Variants in ODF2L observed in about 807,000 individuals in gnomAD.
ODF2L encodes the protein protein BCAP.
ODF2L carries 76 observed loss-of-function variants against 86.3 expected under a neutral mutation model. The ratio of observed to expected loss-of-function variants is 0.88; its 90% CI spans 0.73 to 1.07. The LOEUF is 1.07. Ranked by LOEUF, ODF2L falls within the 50% of genes least tolerant of loss-of-function variation. ODF2L has a pLI of 0.00. For synonymous variants in ODF2L, 241 were observed against 231.3 expected (o/e 1.04, Z -0.38); for missense variants, 748 against 717.4 (o/e 1.04, Z -0.49).
downstream of ODF2L, chr1:86,347,390 T>C (rs1339453829): frequency 6.6e-6 from 1 of 152,188 alleles, no homozygotes; most frequent in Non-Finnish European, 1.5e-5. Context: ...AAGGCTCCCT[T>C]TGCATTAGGA....
rs561792715 is a variant in ODF2L at position 86,382,987 on chromosome 1, C to T, written c.451G>A (p.Val151Ile). 6.5e-6 allele frequency: 10 copies of T among 1,544,406 alleles called. No homozygotes were observed. In the Admixed American group the frequency reaches 1.5e-4, roughly 23 times the overall value. ...TGGATATGGGCCTCCTTTTCAAATACCTTCTTCTTAAGATTCTTGAGCAAA... is the reference window on the plus strand; with the variant it reads ...TGGATATGGGCCTCCTTTTCAAATATCTTCTTCTTAAGATTCTTGAGCAAA... The change falls in exon 6 of 18, where the codon GTA becomes ATA. Residue 151 changes from valine (V) to isoleucine (I), a missense_variant. Val to Ile is a conservative substitution (Grantham distance 29, BLOSUM62 3). Transcript: ENST00000317336.
intron 11 of ODF2L, among the ~76,000 whole-genome samples, chr1:86,362,968 T>A (rs953606392): frequency 1.3e-5 from 2 of 152,150 alleles, no homozygotes; most frequent in African/African-American, 4.8e-5. Flanking sequence ...ACTACATTTT[T>A]ATAGAAACAA....
At chr1:86,385,773 T>G in intron 2 of ODF2L, 183 bp from the exon 3 acceptor site, 1 of 445,078 alleles carries the variant, frequency 2.2e-6, no homozygotes, top group Non-Finnish European at 4.0e-6. Context: ...TACTTATATT[T>G]TACTTGTACG....
chr1:86,348,694 TC>T, downstream of ODF2L: 1 of 1,298,502 alleles, frequency 7.7e-7, no homozygotes, highest in South Asian at 2.0e-5. Flanking sequence ...TTTTACCCAA[TC>T]ACATTTTAGA....
intron 1 of ODF2L, among the ~76,000 whole-genome samples, chr1:86,390,223 C>T (rs545559463): frequency 1.3e-5 from 2 of 152,140 alleles, no homozygotes; most frequent in Non-Finnish European, 2.9e-5. Context: ...GAGTTCAAGA[C>T]CAGCCTGGCC....
At chr1:86,354,824 A>G in exon 15 of ODF2L, 1 of 1,607,506 alleles carries the variant, frequency 6.2e-7, no homozygotes, top group Non-Finnish European at 8.5e-7. Flanking sequence ...CCTCTTCCAG[A>G]GAAAGCTTTG....
exon 7 of ODF2L, chr1:86,382,275 T>C: frequency 2.5e-6 from 4 of 1,612,096 alleles, no homozygotes; most frequent in Non-Finnish European, 3.4e-6. Context: ...CGTTCTCGGC[T>C]TCCCTTTTAT....
intron 11 of ODF2L, among the ~76,000 whole-genome samples, chr1:86,364,605 G>C (rs896871881): frequency 6.6e-6 from 1 of 152,150 alleles, no homozygotes; most frequent in Non-Finnish European, 1.5e-5. Flanking sequence ...GTAAGTAAAA[G>C]AATCAAGTCA....
intron 13 of ODF2L, among the ~76,000 whole-genome samples, chr1:86,357,346 C>A (rs575285009): frequency 6.6e-6 from 1 of 150,732 alleles, no homozygotes; most frequent in South Asian, 2.1e-4. Context: ...AAAGATAATG[C>A]AGTATTTTTT....
intron 13 of ODF2L, chr1:86,357,882 C>A: frequency 1.0e-6 from 1 of 985,174 alleles, no homozygotes; most frequent in Non-Finnish European, 1.2e-6. Flanking sequence ...TACAGTGCTG[C>A]CTAGCAGAAA....
chr1:86,375,043 T>G (rs1330049233), intron 8 of ODF2L: 1 of 152,058 alleles, frequency 6.6e-6, no homozygotes, highest in Non-Finnish European at 1.5e-5. Context: ...TGATATAGTT[T>G]CAGATTATAG....
chr1:86,383,045 GA>G, intron 5 of ODF2L, 43 bp from the exon 6 acceptor site: 1 of 1,287,234 alleles, frequency 7.8e-7, no homozygotes, highest in Non-Finnish European at 1.1e-6. Flanking sequence ...TCACAACTTG[GA>G]TAATATTGGC....
chr1:86,385,731 G>C, intron 2 of ODF2L, 141 bp from the exon 3 acceptor site: 1 of 536,064 alleles, frequency 1.9e-6, no homozygotes, highest in South Asian at 3.3e-5. Flanking sequence ...CTTGGACTTT[G>C]AGTGTAAGCA....
intron 7 of ODF2L, 76 bp from the exon 8 acceptor site, chr1:86,376,494 T>G: frequency 3.4e-6 from 3 of 876,490 alleles, no homozygotes; most frequent in Non-Finnish European, 5.3e-6. Flanking sequence ...AATATGTACA[T>G]AACTGATATG....
intron 7 of ODF2L, among the ~76,000 whole-genome samples, chr1:86,377,276 G>A (rs1002559115): frequency 1.1e-4 from 17 of 152,138 alleles, no homozygotes; most frequent in African/African-American, 2.9e-4. Flanking sequence ...GGGCTCCCAC[G>A]GTCTTTGGCA....
At chr1:86,372,883 C>T (rs990002774) in intron 8 of ODF2L, among the ~76,000 whole-genome samples, 1 of 152,042 alleles carries the variant, frequency 6.6e-6, no homozygotes, top group Admixed American at 6.6e-5. Context: ...AACCAAATAT[C>T]GTATGTTCTC....
chr1:86,373,398 T>A (rs1659946531), intron 8 of ODF2L, among the ~76,000 whole-genome samples: 1 of 150,528 alleles, frequency 6.6e-6, no homozygotes, highest in Admixed American at 6.6e-5. Context: ...TGCCTCAGCC[T>A]CCCTAGTAGC....
intron 14 of ODF2L, chr1:86,355,083 T>TA: frequency 7.4e-6 from 4 of 539,988 alleles, no homozygotes; most frequent in Non-Finnish European, 6.5e-6. Context: ...AATAACCAAC[T>TA]AAAAAAAATT....
chr1:86,385,447 A>C lies in ODF2L; in HGVS notation c.246+11T>G. 6.5e-7 allele frequency: 1 copy of C among 1,527,252 alleles called. No individual in the cohort carries two copies. Among genetic ancestry groups the C allele is most frequent in the Non-Finnish European group, 9.0e-7 (1 of 1,106,436 alleles). The allele number at this position is 1,527,252 out of a possible 1,614,324, so 94.6% of individuals were successfully genotyped here. ...GCTTTTCATTTTATTATATATTCAT[A>C]AGTCACTCACATTTTCAAAATTAAT... On this transcript the variant is annotated intron_variant, in intron 3 of 17. Transcript: ENST00000317336.
Sources: allele counts gnomAD v4.1 joint callset (sites outside exome capture counted in the v4.1 genomes callset), GRCh38; gene constraint gnomAD v4.1.1; transcripts MANE v1.5; gene names NCBI Gene and HGNC (gene_info 2026-07-23, HGNC 2026-07-21).